ANXA4: variants seen among roughly 807,000 people sequenced by gnomAD.
The protein encoded by ANXA4 is 35-beta calcimedin.
ANXA4 carries 39 observed loss-of-function variants against 49.8 expected under a neutral mutation model. That is an observed-to-expected ratio of 0.78 (90% CI 0.61 to 1.02). The LOEUF (loss-of-function observed/expected upper bound fraction) is 1.02. Among genes scored for constraint, ANXA4 ranks in the 50% least tolerant of loss-of-function variants. ANXA4 has a pLI of 0.00. For synonymous variants in ANXA4, 134 were observed against 152.5 expected, an observed-to-expected ratio of 0.88 and a Z score of 0.89; for missense variants, 360 against 410.1, an observed-to-expected ratio of 0.88 and a Z score of 1.05.
chr2:69,780,902 A>G (rs1179803192), intron 1 of ANXA4, among the ~76,000 whole-genome samples: 3 of 152,210 alleles, frequency 2.0e-5, no homozygotes, highest in Non-Finnish European at 4.4e-5. Flanking sequence ...ACTGAAAAAA[A>G]TGTGTGATGA....
intron 1 of ANXA4, among the ~76,000 whole-genome samples, chr2:69,766,003 A>G (rs1397317095): frequency 2.6e-5 from 4 of 152,214 alleles, no homozygotes; most frequent in Admixed American, 2.6e-4. Context: ...TAGAAACAGG[A>G]AAGTAGAGGC....
At position 69,825,647 on chromosome 2, in the gene ANXA4, T is replaced by G. The variant is rs952655312; in HGVS notation, c.*132T>G. 48 of 624,294 alleles carry G rather than the reference T, an allele frequency of 7.7e-5. No individual in the cohort carries two copies. The Middle Eastern group carries it at 8.6e-4, about 11-fold the overall frequency. 38.7% of individuals were successfully genotyped at this position (624,294 alleles called of 1,614,324 possible). A position where few individuals can be genotyped will look rare whatever the true frequency, so the allele number is the denominator to read the frequency against. On this transcript the variant is annotated 3_prime_UTR_variant, in exon 13 of 13. Transcript: ENST00000394295. ...AAACGCCTACAGCTGCCTCCTAGAA[T>G]ATAGACTGTCTGTATTATTATTCAC...
chr2:69,745,803 T>C (rs1670588262), intron 1 of ANXA4, among the ~76,000 whole-genome samples: 1 of 152,074 alleles, frequency 6.6e-6, no homozygotes, highest in Non-Finnish European at 1.5e-5. Context: ...AGTTCTGGGA[T>C]TACAGGTGTG....
chr2:69,732,203 T>C (rs1007338340), intron 3 of ANXA4, among the ~76,000 whole-genome samples: 7 of 151,474 alleles, frequency 4.6e-5, no homozygotes, highest in African/African-American at 1.7e-4. Flanking sequence ...GGTCTCAATC[T>C]CCTGACCTCG....
At chr2:69,819,545 TTA>T in intron 11 of ANXA4, among the ~76,000 whole-genome samples, 1 of 152,180 alleles carries the variant, frequency 6.6e-6, no homozygotes, top group Non-Finnish European at 1.5e-5. Flanking sequence ...AATAGATTAA[TTA>T]TATCCCCACA....
chr2:69,802,852 G>A (rs1441081689), intron 3 of ANXA4, among the ~76,000 whole-genome samples: 2 of 152,026 alleles, frequency 1.3e-5, no homozygotes, highest in African/African-American at 4.8e-5. Context: ...TCCTAGCTGA[G>A]AGTGCCAAGG....
chr2:69,739,904 G>A (rs1358411894), upstream of ANXA4, among the ~76,000 whole-genome samples: 1 of 152,174 alleles, frequency 6.6e-6, no homozygotes, highest in African/African-American at 2.4e-5. Context: ...ATAGGCCAGA[G>A]GGAGAAACTG....
rs137986122 is a variant in ANXA4 at position 69,645,783 on chromosome 2, A to G, written n.481+878A>G. ...TTGCCCTCCATTCCCTCACAGACTA[A>G]TAGCAATTATAATGACAAATCCACA... is the stretch of plus-strand genomic sequence containing the variant. On this transcript the variant is annotated intron_variant and non_coding_transcript_variant, in intron 1 of 3. Coordinates refer to the ANXA4 transcript ENST00000418066. Among the ~76,000 whole-genome samples the G allele has an allele frequency of 5.3e-3, 814 of 152,330 alleles. 9 individuals carry two copies. The highest frequency in any genetic ancestry group is 0.019 in the African/African-American group (772 of 41,580).
At chr2:69,709,546 G>A (rs1236873623) in intron 2 of ANXA4, among the ~76,000 whole-genome samples, 1 of 152,186 alleles carries the variant, frequency 6.6e-6, no homozygotes, top group African/African-American at 2.4e-5. Flanking sequence ...TTCCCAAGAT[G>A]ATCTTCCCAA....
At chr2:69,756,831 AAATGGGCAAAAAATACACACCAAT>A (rs1268658069) in intron 1 of ANXA4, among the ~76,000 whole-genome samples, 1 of 151,956 alleles carries the variant, frequency 6.6e-6, no homozygotes, top group African/African-American at 2.4e-5. Context: ...AAGATCCTAA[AAATGGGCAAAAAATACACACCAAT>A]AATTCACAAA....
intron 1 of ANXA4, among the ~76,000 whole-genome samples, chr2:69,761,153 A>C (rs557905990): frequency 1.2e-4 from 18 of 152,228 alleles, no homozygotes; most frequent in African/African-American, 4.3e-4. Context: ...ATATACCCAA[A>C]GTAATATCAT....
intron 2 of ANXA4, among the ~76,000 whole-genome samples, chr2:69,688,444 C>T (rs916255573): frequency 1.3e-5 from 2 of 152,128 alleles, no homozygotes; most frequent in African/African-American, 2.4e-5. Context: ...TGATGATAAG[C>T]GTCTAGATCT....
intron 2 of ANXA4, 40 bp downstream of exon 2, chr2:69,781,614 G>A (rs1273679094): frequency 6.2e-7 from 1 of 1,612,552 alleles, no homozygotes; most frequent in East Asian, 2.2e-5. Context: ...GGTGCCAGCT[G>A]CCAACAGGTA....
At chr2:69,675,022 A>G (rs1261610413) in intron 2 of ANXA4, among the ~76,000 whole-genome samples, 1 of 150,640 alleles carries the variant, frequency 6.6e-6, no homozygotes, top group Non-Finnish European at 1.5e-5. Context: ...TCCCGGGTTC[A>G]AGCGATTCTC....
At chr2:69,783,491 G>C (rs543252016) in intron 2 of ANXA4, among the ~76,000 whole-genome samples, 1 of 152,024 alleles carries the variant, frequency 6.6e-6, no homozygotes, top group East Asian at 1.9e-4. Flanking sequence ...CTGGGATTAC[G>C]GGCGTGAGCC....
At chr2:69,754,599 C>T (rs1670974692) in intron 1 of ANXA4, among the ~76,000 whole-genome samples, 1 of 152,096 alleles carries the variant, frequency 6.6e-6, no homozygotes, top group Admixed American at 6.6e-5. Flanking sequence ...ATCCCATCCC[C>T]AGAGTTTAGG....
At chr2:69,743,831 T>C (rs1216896558) in intron 1 of ANXA4, among the ~76,000 whole-genome samples, 1 of 152,198 alleles carries the variant, frequency 6.6e-6, no homozygotes, top group East Asian at 1.9e-4. Context: ...AATGTTTCTC[T>C]GCAAGCAATT....
chr2:69,800,606 G>A (rs184759188), intron 3 of ANXA4, among the ~76,000 whole-genome samples: 65 of 152,314 alleles, frequency 4.3e-4, no homozygotes, highest in African/African-American at 1.5e-3. Context: ...ATTTCACTTG[G>A]GGGCATCGGG....
Position 69,744,444 on chromosome 2 carries a change from T to C in ANXA4, c.-47+2269T>C, listed in dbSNP as rs193011223. On this transcript the variant is annotated intron_variant, in intron 1 of 12. Coordinates refer to ENST00000394295, the MANE Select transcript of ANXA4 (RefSeq NM_001153.5). The stretch of plus-strand genomic sequence containing the variant: ...TATATTTTGAAGTAGAATCCAAAAA[T>C]TGTATACCTTTTAAATCTAAAACAA... 3.0e-4 allele frequency among the ~76,000 whole-genome samples: 45 copies of C among 152,338 alleles called. No homozygotes were observed. The East Asian group carries it at 6.6e-3, about 22-fold the overall frequency.
Sources: gnomAD v4.1 joint callset for allele counts (sites outside exome capture counted in the v4.1 genomes callset) on GRCh38, gnomAD v4.1.1 for gene constraint, MANE v1.5 for transcripts, NCBI Gene and HGNC (gene_info 2026-07-23, HGNC 2026-07-21) for gene names.